The following HS3ST4 variants were observed in gnomAD, a reference collection of about 807,000 sequenced individuals.
The protein encoded by HS3ST4 is heparan sulfate glucosamine 3-O-sulfotransferase 4.
A neutral mutation model predicts 29.2 loss-of-function variants in HS3ST4; 17 were observed. The ratio of observed to expected loss-of-function variants is 0.58; its 90% CI spans 0.40 to 0.87. The LOEUF is 0.87. Among genes scored for constraint, HS3ST4 ranks in the 40% least tolerant of loss-of-function variants. The pLI, the probability that HS3ST4 is intolerant of heterozygous loss-of-function variation, is 0.00. For missense variants in HS3ST4, 627 were observed against 634.5 expected, an observed-to-expected ratio of 0.99 and a Z score of 0.13; for synonymous variants, 314 against 285.7, an observed-to-expected ratio of 1.10 and a Z score of -1.00.
At chr16:25,972,746 G>T (rs918495862) in intron 1 of HS3ST4, among the ~76,000 whole-genome samples, 2 of 152,204 alleles carry the variant, frequency 1.3e-5, no homozygotes, top group African/African-American at 2.4e-5. Context: ...CTCAAGAAGA[G>T]GGGATTATGC....
At chr16:25,866,731 G>C (rs978064896) in intron 1 of HS3ST4, among the ~76,000 whole-genome samples, 2 of 152,066 alleles carry the variant, frequency 1.3e-5, no homozygotes, top group Non-Finnish European at 2.9e-5. Context: ...TAGATGACGG[G>C]TTGATAGGTG....
chr16:25,915,253 T>A (rs1968281069), intron 1 of HS3ST4, among the ~76,000 whole-genome samples: 1 of 152,102 alleles, frequency 6.6e-6, no homozygotes, highest in Admixed American at 6.6e-5. Flanking sequence ...CGGGCGTGGG[T>A]TCCACCGCGG....
chr16:25,724,158 C>A (rs1202624872), intron 1 of HS3ST4, among the ~76,000 whole-genome samples: 2 of 151,022 alleles, frequency 1.3e-5, no homozygotes, highest in Non-Finnish European at 2.9e-5. Context: ...GCCATTGTTT[C>A]CCCCAAAAAA....
intron 1 of HS3ST4, among the ~76,000 whole-genome samples, chr16:25,946,946 C>A (rs1289341207): frequency 2.0e-5 from 3 of 152,162 alleles, no homozygotes; most frequent in Non-Finnish European, 4.4e-5. Context: ...AAGCATAACA[C>A]CCAATGTCCC....
intron 1 of HS3ST4, among the ~76,000 whole-genome samples, chr16:25,814,039 T>C (rs1326255748): frequency 6.6e-6 from 1 of 152,178 alleles, no homozygotes; most frequent in Non-Finnish European, 1.5e-5. Context: ...AATATTTATC[T>C]ATGATGAGTA....
chr16:25,722,944 G>A (rs1437226208), intron 1 of HS3ST4, among the ~76,000 whole-genome samples: 1 of 152,214 alleles, frequency 6.6e-6, no homozygotes, highest in Admixed American at 6.5e-5. Flanking sequence ...AGTTCCACAT[G>A]GCTGAGGAGG....
intron 1 of HS3ST4, among the ~76,000 whole-genome samples, chr16:25,744,746 T>A (rs1178184070): frequency 6.6e-6 from 1 of 152,104 alleles, no homozygotes; most frequent in Non-Finnish European, 1.5e-5. Context: ...CCCATACTGT[T>A]CTTGTGATAG....
intron 1 of HS3ST4, among the ~76,000 whole-genome samples, chr16:25,816,703 C>G (rs1191091952): frequency 1.3e-5 from 2 of 152,096 alleles, no homozygotes; most frequent in Non-Finnish European, 2.9e-5. Flanking sequence ...GAATTTATCT[C>G]TTACAGTTAC....
At chr16:26,020,028 T>C (rs374741425) in intron 1 of HS3ST4, among the ~76,000 whole-genome samples, 2 of 152,144 alleles carry the variant, frequency 1.3e-5, no homozygotes, top group Admixed American at 6.5e-5. Flanking sequence ...AACAGCTGTG[T>C]GGTTTCTGTG....
At chr16:25,955,368 C>T (rs1385483288) in intron 1 of HS3ST4, among the ~76,000 whole-genome samples, 1 of 152,164 alleles carries the variant, frequency 6.6e-6, no homozygotes, top group African/African-American at 2.4e-5. Flanking sequence ...TTATAGCCTT[C>T]AGAATGAGTT....
intron 1 of HS3ST4, among the ~76,000 whole-genome samples, chr16:26,027,519 T>C (rs980799204): frequency 1.3e-5 from 2 of 152,252 alleles, no homozygotes; most frequent in Non-Finnish European, 2.9e-5. Flanking sequence ...TCTAGATTTA[T>C]GCCCCTATCT....
At chr16:25,735,770 A>G (rs1200129579) in intron 1 of HS3ST4, among the ~76,000 whole-genome samples, 2 of 152,190 alleles carry the variant, frequency 1.3e-5, no homozygotes, top group Admixed American at 6.5e-5. Context: ...AAAAGTTTTA[A>G]GGCTGACTTT....
chr16:25,886,783 G>C (rs1479459562), intron 1 of HS3ST4: 1 of 152,194 alleles, frequency 6.6e-6, no homozygotes, highest in African/African-American at 2.4e-5. Context: ...AAGGCGGAGA[G>C]GGGTGAGACA....
At chr16:25,907,599 A>T (rs1968191935) in intron 1 of HS3ST4, among the ~76,000 whole-genome samples, 1 of 152,210 alleles carries the variant, frequency 6.6e-6, no homozygotes, top group Non-Finnish European at 1.5e-5. Flanking sequence ...AAGTGAAGTC[A>T]AAGGGGCAGC....
At chr16:25,948,832 G>A (rs117868420) in intron 1 of HS3ST4, among the ~76,000 whole-genome samples, 2,534 of 152,232 alleles carry the variant, frequency 0.017, 26 homozygotes, top group Non-Finnish European at 0.025. Context: ...CGTGACCTCC[G>A]TGGCACTGTG....
chr16:25,784,270 T>G (rs1307613521), intron 1 of HS3ST4, among the ~76,000 whole-genome samples: 1 of 152,170 alleles, frequency 6.6e-6, no homozygotes, highest in African/African-American at 2.4e-5. Context: ...ATTAGACCAG[T>G]TCATAACCCT....
intron 1 of HS3ST4, among the ~76,000 whole-genome samples, chr16:26,023,374 G>A (rs1969435114): frequency 6.6e-6 from 1 of 151,616 alleles, no homozygotes; most frequent in Non-Finnish European, 1.5e-5. Context: ...ATAGATAGAA[G>A]AATAGAATTA....
chr16:25,870,958 G>A (rs1967745803), intron 1 of HS3ST4, among the ~76,000 whole-genome samples: 1 of 152,202 alleles, frequency 6.6e-6, no homozygotes, highest in African/African-American at 2.4e-5. Flanking sequence ...AAATGCTCTA[G>A]ATCTTGGACT....
Position 25,932,213 on chromosome 16 carries a change from C to T in HS3ST4, c.735-203399C>T, listed in dbSNP as rs931927132. On this transcript the variant is annotated intron_variant, in intron 1 of 1. Coordinates refer to ENST00000331351, the MANE Select transcript of HS3ST4 (RefSeq NM_006040.3). ...CCTGTAGTCCCAGCTGCTTGGGAGGCTGAGGTGGGAGGATCGCTTGAGACC... is the reference window on the plus strand; with the variant it reads ...CCTGTAGTCCCAGCTGCTTGGGAGGTTGAGGTGGGAGGATCGCTTGAGACC... 2.2e-4 allele frequency among the ~76,000 whole-genome samples: 34 copies of T among 152,100 alleles called. 1 individual carries two copies. Among genetic ancestry groups the T allele is most frequent in the Non-Finnish European group, 3.4e-4 (23 of 68,016 alleles).
Sources: gnomAD v4.1 joint callset for allele counts (sites outside exome capture counted in the v4.1 genomes callset) on GRCh38, gnomAD v4.1.1 for gene constraint, MANE v1.5 for transcripts, NCBI Gene and HGNC (gene_info 2026-07-23, HGNC 2026-07-21) for gene names.